MTUS2: variants seen among roughly 807,000 people sequenced by gnomAD.
MTUS2 encodes the protein microtubule-associated tumor suppressor candidate 2.
A neutral mutation model predicts 114.1 loss-of-function variants in MTUS2; 40 were observed. The ratio of observed to expected loss-of-function variants is 0.35; its 90% CI spans 0.27 to 0.46. The LOEUF is 0.46. Ranked by LOEUF, MTUS2 falls within the 20% of genes least tolerant of loss-of-function variation. The pLI is 1.00. For missense variants in MTUS2, 1,679 were observed against 1,705.4 expected (o/e 0.98, Z 0.27); for synonymous variants, 688 against 672.0 (o/e 1.02, Z -0.37).
At chr13:29,098,998 T>C (rs1890296437) in intron 4 of MTUS2, among the ~76,000 whole-genome samples, 1 of 152,242 alleles carries the variant, frequency 6.6e-6, no homozygotes, top group Non-Finnish European at 1.5e-5. Flanking sequence ...ATCTGATGTT[T>C]AGCAACTCTT....
intron 2 of MTUS2, among the ~76,000 whole-genome samples, chr13:28,878,995 T>C (rs186237891): frequency 2.6e-5 from 4 of 152,282 alleles, no homozygotes; most frequent in Non-Finnish European, 4.4e-5. Context: ...GCATCTGTTG[T>C]TTCTTGACTT....
At chr13:29,410,274 G>A (rs1209910763) in intron 8 of MTUS2, among the ~76,000 whole-genome samples, 5 of 152,054 alleles carry the variant, frequency 3.3e-5, no homozygotes, top group East Asian at 1.9e-4. Flanking sequence ...ACAGGTGCCC[G>A]CCACCATGAC....
intron 2 of MTUS2, among the ~76,000 whole-genome samples, chr13:29,020,844 G>T (rs1305641353): frequency 2.8e-5 from 3 of 106,994 alleles, no homozygotes; most frequent in African/African-American, 1.2e-4. Context: ...TTACCAGGAC[G>T]TGGGAAAAAA....
At chr13:28,908,529 T>A (rs1441670625) in intron 2 of MTUS2, among the ~76,000 whole-genome samples, 2 of 151,518 alleles carry the variant, frequency 1.3e-5, no homozygotes, top group Non-Finnish European at 2.9e-5. Context: ...ATTTTCTTAA[T>A]CCAGTCTATC....
chr13:29,365,771 C>A (rs774976352), intron 8 of MTUS2, among the ~76,000 whole-genome samples: 8 of 152,136 alleles, frequency 5.3e-5, no homozygotes, highest in Non-Finnish European at 8.8e-5. Flanking sequence ...CTGGCCATCC[C>A]ACTCAACCTT....
At chr13:29,185,942 C>T (rs929973455) in intron 5 of MTUS2, among the ~76,000 whole-genome samples, 12 of 152,080 alleles carry the variant, frequency 7.9e-5, no homozygotes, top group African/African-American at 2.2e-4. Flanking sequence ...CCTGATGGCT[C>T]GTATCTTTAA....
At chr13:29,424,375 C>A (rs950052244) in intron 8 of MTUS2, among the ~76,000 whole-genome samples, 2 of 151,956 alleles carry the variant, frequency 1.3e-5, no homozygotes, top group Non-Finnish European at 2.9e-5. Context: ...AAAGAAGTCA[C>A]CCCAGTTGAA....
intron 5 of MTUS2, among the ~76,000 whole-genome samples, chr13:29,269,998 A>C (rs1323159724): frequency 1.3e-5 from 2 of 152,126 alleles, no homozygotes; most frequent in Non-Finnish European, 2.9e-5. Context: ...GGGGTATCTA[A>C]AAAGGTCAAA....
intron 5 of MTUS2, among the ~76,000 whole-genome samples, chr13:29,140,310 C>T (rs1892165453): frequency 6.6e-6 from 1 of 152,166 alleles, no homozygotes; most frequent in African/African-American, 2.4e-5. Flanking sequence ...AGGTGATCTT[C>T]TCACAGGGGT....
chr13:29,158,358 C>CCCCCCCCCTTTCTTT, intron 5 of MTUS2, among the ~76,000 whole-genome samples: 3 of 32,048 alleles, frequency 9.4e-5, no homozygotes, highest in African/African-American at 2.1e-4. Context: ...GTCCACCCCG[C>CCCCCCCCCTTTCTTT]TTTTTTTTTT....
intron 3 of MTUS2, among the ~76,000 whole-genome samples, chr13:29,029,295 A>G (rs17072560): frequency 6.6e-6 from 1 of 152,170 alleles, no homozygotes; most frequent in Admixed American, 6.5e-5. Context: ...CATCTTGTTT[A>G]TAAGTGGCTT....
At chr13:29,063,701 A>G (rs1888526679) in intron 4 of MTUS2, among the ~76,000 whole-genome samples, 1 of 152,202 alleles carries the variant, frequency 6.6e-6, no homozygotes, top group South Asian at 2.1e-4. Flanking sequence ...GAACAATCTA[A>G]ACAAGCACAG....
intron 9 of MTUS2, among the ~76,000 whole-genome samples, chr13:29,448,787 A>C (rs1593455491): frequency 9.4e-5 from 11 of 117,596 alleles, no homozygotes; most frequent in South Asian, 5.3e-4. Flanking sequence ...ATGGAGTCTC[A>C]CTCTCACCCA....
At chr13:29,056,319 C>T (rs184388447) in intron 4 of MTUS2, among the ~76,000 whole-genome samples, 166 of 152,092 alleles carry the variant, frequency 1.1e-3, no homozygotes, top group Middle Eastern at 6.8e-3. Context: ...GTTACCCCAG[C>T]GCCATTTATT....
At position 29,266,879 on chromosome 13, in the gene MTUS2, C is replaced by G. The variant is rs114695413; in HGVS notation, c.2645-14825C>G. Among the ~76,000 whole-genome samples, 1,029 of 152,268 alleles carry G rather than the reference C, an allele frequency of 6.8e-3. 5 individuals carry two copies. The highest frequency in any genetic ancestry group is 0.024 in the African/African-American group (982 of 41,534). ...CAGGAAGCCACGGGATGGAATCCTA[C>G]CTGCCTGGGGTTTACACTGTGCCTG... On this transcript the variant is annotated intron_variant, in intron 5 of 15. Transcript: ENST00000612955.
intron 8 of MTUS2, among the ~76,000 whole-genome samples, chr13:29,430,507 T>TA (rs1876908953): frequency 6.6e-6 from 1 of 152,216 alleles, no homozygotes; most frequent in Non-Finnish European, 1.5e-5. Context: ...AATTATTTTT[T>TA]ACTGATGAAA....
intron 4 of MTUS2, among the ~76,000 whole-genome samples, chr13:29,087,151 G>T (rs1889728508): frequency 6.6e-6 from 1 of 152,154 alleles, no homozygotes; most frequent in African/African-American, 2.4e-5. Flanking sequence ...GAATAGGAAT[G>T]GTGAGAGTGG....
intron 2 of MTUS2, among the ~76,000 whole-genome samples, chr13:28,840,175 GTTA>G (rs1439455244): frequency 6.6e-6 from 1 of 152,072 alleles, no homozygotes; most frequent in Non-Finnish European, 1.5e-5. Context: ...AAAGGGTCAT[GTTA>G]TTGTTAGCAT....
At chr13:29,370,474 T>C (rs1044758545) in intron 8 of MTUS2, among the ~76,000 whole-genome samples, 2 of 152,144 alleles carry the variant, frequency 1.3e-5, no homozygotes, top group African/African-American at 4.8e-5. Flanking sequence ...ACCCTGTCTC[T>C]TGAAAGAAAG....
Sources: allele counts gnomAD v4.1 joint callset (sites outside exome capture counted in the v4.1 genomes callset), GRCh38; gene constraint gnomAD v4.1.1; transcripts MANE v1.5; gene names NCBI Gene and HGNC (gene_info 2026-07-23, HGNC 2026-07-21).